The following HDAC9 variants were observed in gnomAD, a reference collection of about 807,000 sequenced individuals.
The protein encoded by HDAC9 is MEF-2 interacting transcription repressor (MITR) protein.
Under a neutral mutation model 139.4 loss-of-function variants are expected in HDAC9, and 41 were observed. The ratio of observed to expected loss-of-function variants is 0.29; its 90% CI spans 0.23 to 0.38. HDAC9 has a LOEUF of 0.38. HDAC9 is among the 10% of genes least tolerant of loss of function. The pLI is 1.00. For synonymous variants in HDAC9, 517 were observed against 476.2 expected, an observed-to-expected ratio of 1.09 and a Z score of -1.12; for missense variants, 1,147 against 1,297.0, an observed-to-expected ratio of 0.88 and a Z score of 1.78.
intron 1 of HDAC9, among the ~76,000 whole-genome samples, chr7:18,432,092 C>T (rs1790730635): frequency 6.6e-6 from 1 of 152,204 alleles, no homozygotes; most frequent in Non-Finnish European, 1.5e-5. Flanking sequence ...CTGACAAATT[C>T]AATCATGGCT....
intron 8 of HDAC9, among the ~76,000 whole-genome samples, chr7:18,635,554 A>T (rs1783625856): frequency 6.6e-6 from 1 of 152,142 alleles, no homozygotes. Context: ...ATCAAAGGCA[A>T]GAGTCTGAAA....
At chr7:18,797,342 A>G (rs372748643) in intron 17 of HDAC9, among the ~76,000 whole-genome samples, 1 of 152,186 alleles carries the variant, frequency 6.6e-6, no homozygotes, top group East Asian at 1.9e-4. Context: ...CTTTTTTATT[A>G]TTATAAAACA....
rs778819254 is a variant in HDAC9, at chr7:18,954,131, C to T, written c.2938-15C>T. ...CATAATATTCTGCTCATACTATTAT[C>T]TACTATTCTTGCAGCTGGAGCCACT... On this transcript the variant is annotated splice_polypyrimidine_tract_variant and intron_variant, in intron 23 of 25. Coordinates refer to ENST00000686413, the MANE Select transcript of HDAC9 (RefSeq NM_178425.4). The T allele has an allele frequency of 1.3e-6, 2 of 1,521,054 alleles. No homozygotes were observed. Among genetic ancestry groups the T allele is most frequent in the Admixed American group, 1.9e-5 (1 of 52,224 alleles). The allele number at this position is 1,521,054 out of a possible 1,614,324, so 94.2% of individuals were successfully genotyped here.
At chr7:18,197,590 C>G (rs1294479360) in intron 2 of HDAC9, among the ~76,000 whole-genome samples, 2 of 151,964 alleles carry the variant, frequency 1.3e-5, no homozygotes, top group Non-Finnish European at 2.9e-5. Context: ...CAAGCATAGG[C>G]AAGGATTTGA....
intron 1 of HDAC9, among the ~76,000 whole-genome samples, chr7:18,143,134 C>G (rs1786035134): frequency 6.6e-6 from 1 of 152,164 alleles, no homozygotes. Context: ...TCTCCCCCTG[C>G]TTTTGTAAAC....
At chr7:18,567,492 T>G (rs377338241) in intron 2 of HDAC9, among the ~76,000 whole-genome samples, 2 of 152,240 alleles carry the variant, frequency 1.3e-5, no homozygotes, top group East Asian at 3.8e-4. Context: ...TTTTGTATAA[T>G]GTGTTCTCTA....
chr7:18,355,870 A>G (rs1478506686), intron 1 of HDAC9, among the ~76,000 whole-genome samples: 1 of 152,166 alleles, frequency 6.6e-6, no homozygotes, highest in African/African-American at 2.4e-5. Context: ...AGGCCTATCT[A>G]TAGATAAACA....
chr7:18,306,107 A>T (rs1407403402), intron 1 of HDAC9, among the ~76,000 whole-genome samples: 1 of 152,236 alleles, frequency 6.6e-6, no homozygotes, highest in Non-Finnish European at 1.5e-5. Context: ...ACAATATGTT[A>T]TCAAGTAAGT....
At chr7:18,305,443 A>C (rs1562858906) in intron 1 of HDAC9, among the ~76,000 whole-genome samples, 1 of 152,246 alleles carries the variant, frequency 6.6e-6, no homozygotes, top group Non-Finnish European at 1.5e-5. Context: ...AGGAAAATGA[A>C]AACATGTTCT....
chr7:18,833,091 A>G (rs1368871298), intron 19 of HDAC9, among the ~76,000 whole-genome samples: 1 of 152,226 alleles, frequency 6.6e-6, no homozygotes, highest in Admixed American at 6.5e-5. Flanking sequence ...CAAACAAAAG[A>G]CATAATTGAG....
intron 2 of HDAC9, among the ~76,000 whole-genome samples, chr7:18,204,891 TAA>T (rs1724607371): frequency 6.6e-6 from 1 of 152,062 alleles, no homozygotes; most frequent in African/African-American, 2.4e-5. Flanking sequence ...CAAACTGTTG[TAA>T]AAGTTATATT....
chr7:18,910,084 A>C (rs1802613186), intron 22 of HDAC9, among the ~76,000 whole-genome samples: 1 of 151,890 alleles, frequency 6.6e-6, no homozygotes, highest in Non-Finnish European at 1.5e-5. Context: ...ATTGGGATCA[A>C]TCTCTCTCTT....
At chr7:18,538,916 G>A (rs1811786290) in intron 2 of HDAC9, among the ~76,000 whole-genome samples, 1 of 152,086 alleles carries the variant, frequency 6.6e-6, no homozygotes. Flanking sequence ...TGCCTCTAGG[G>A]AGGGCTTTTT....
At chr7:18,472,881 C>T (rs1192535789) in intron 1 of HDAC9, among the ~76,000 whole-genome samples, 2 of 152,132 alleles carry the variant, frequency 1.3e-5, no homozygotes, top group Non-Finnish European at 2.9e-5. Flanking sequence ...TCTGGTTTAT[C>T]CCAGTTGTTT....
At chr7:18,598,550 A>G (rs11972573) in intron 6 of HDAC9, among the ~76,000 whole-genome samples, 3,577 of 152,268 alleles carry the variant, frequency 0.023, 149 homozygotes, top group African/African-American at 0.082. Flanking sequence ...TAATAATTGC[A>G]CTTGGTTTGC....
intron 16 of HDAC9, among the ~76,000 whole-genome samples, chr7:18,774,291 C>T (rs556378833): frequency 2.1e-4 from 32 of 151,908 alleles, no homozygotes; most frequent in African/African-American, 6.3e-4. Context: ...CTAATATATT[C>T]GATATTTTTA....
intron 12 of HDAC9, among the ~76,000 whole-genome samples, chr7:18,684,449 G>A (rs968407355): frequency 3.4e-5 from 5 of 149,252 alleles, no homozygotes; most frequent in African/African-American, 1.3e-4. Flanking sequence ...AGACCAACCT[G>A]AGGTGCAACA....
chr7:18,783,795 C>T (rs1451092971), intron 16 of HDAC9, among the ~76,000 whole-genome samples: 1 of 151,840 alleles, frequency 6.6e-6, no homozygotes, highest in African/African-American at 2.4e-5. Context: ...TTTCTCTTAG[C>T]TTGGCTGGGG....
At chr7:18,680,095 C>T (rs1255117678) in intron 12 of HDAC9, among the ~76,000 whole-genome samples, 2 of 151,848 alleles carry the variant, frequency 1.3e-5, no homozygotes, top group Non-Finnish European at 2.9e-5. Flanking sequence ...TGAATGGGAC[C>T]TACGAACCCA....
Sources: allele counts gnomAD v4.1 joint callset (sites outside exome capture counted in the v4.1 genomes callset), GRCh38; gene constraint gnomAD v4.1.1; transcripts MANE v1.5; gene names NCBI Gene and HGNC (gene_info 2026-07-23, HGNC 2026-07-21).